TRAPPC11: variants seen among roughly 807,000 people sequenced by gnomAD.
TRAPPC11 encodes trafficking protein particle complex subunit 11, also known as foie gras homolog.
In TRAPPC11, 104 loss-of-function variants were observed where a neutral mutation model predicts 151.2. That is an observed-to-expected ratio of 0.69 (90% CI 0.59 to 0.81). The LOEUF (loss-of-function observed/expected upper bound fraction) is 0.81. Among genes scored for constraint, TRAPPC11 ranks in the 30% least tolerant of loss-of-function variants. TRAPPC11 has a pLI of 0.00. For missense variants in TRAPPC11, 1,230 were observed against 1,349.6 expected (o/e 0.91, Z 1.39); for synonymous variants, 456 against 472.3 (o/e 0.97, Z 0.45).
intron 27 of TRAPPC11, among the ~76,000 whole-genome samples, chr4:183,705,703 G>A (rs1168187317): frequency 2.0e-5 from 3 of 152,144 alleles, no homozygotes; most frequent in African/African-American, 7.2e-5. Context: ...ACATGGTGCT[G>A]TTTTTAAATG....
intron 5 of TRAPPC11, among the ~76,000 whole-genome samples, chr4:183,671,284 A>T (rs977248304): frequency 6.6e-6 from 1 of 152,206 alleles, no homozygotes; most frequent in Admixed American, 6.5e-5. Flanking sequence ...ATGCAGTTAG[A>T]TTTTTGTCTC....
intron 9 of TRAPPC11, 57 bp from the exon 10 acceptor site, chr4:183,680,063 A>T: frequency 2.0e-6 from 3 of 1,509,882 alleles, no homozygotes; most frequent in Non-Finnish European, 2.7e-6. Flanking sequence ...GAATTACCAG[A>T]AATAAGCTTC....
intron 1 of TRAPPC11, among the ~76,000 whole-genome samples, chr4:183,662,575 T>G (rs1734613228): frequency 6.6e-6 from 1 of 152,030 alleles, no homozygotes; most frequent in South Asian, 2.1e-4. Context: ...CCTTACAGAT[T>G]TTTCTTTAAA....
chr4:183,686,538 G>T, intron 17 of TRAPPC11, 80 bp from the exon 18 acceptor site: 6 of 1,531,320 alleles, frequency 3.9e-6, no homozygotes, highest in Non-Finnish European at 5.3e-6. Context: ...TCTTTCTGAA[G>T]AATCAATTTG....
intron 1 of TRAPPC11, among the ~76,000 whole-genome samples, chr4:183,661,361 C>CTTTTTTTTTTTTTTTTTTTT (rs139201416): frequency 2.5e-5 from 2 of 79,392 alleles, no homozygotes; most frequent in African/African-American, 1.0e-4. Context: ...TGTAGATTAC[C>CTTTTTTTTTTTTTTTTTTTT]TTTTTTTTTT....
chr4:183,691,243 T>G, intron 18 of TRAPPC11, 73 bp from the exon 19 acceptor site: 26 of 1,209,400 alleles, frequency 2.1e-5, no homozygotes, highest in Non-Finnish European at 2.6e-5. Flanking sequence ...TTATACTAAA[T>G]GAGCTCCAAA....
chr4:183,688,764 G>C (rs927847455), intron 18 of TRAPPC11, among the ~76,000 whole-genome samples: 4 of 151,912 alleles, frequency 2.6e-5, no homozygotes, highest in Non-Finnish European at 4.4e-5. Flanking sequence ...TGTGTGTTTT[G>C]AGACAAGGCT....
intron 1 of TRAPPC11, among the ~76,000 whole-genome samples, chr4:183,662,535 C>T (rs1008857931): frequency 2.6e-5 from 4 of 151,888 alleles, no homozygotes; most frequent in East Asian, 1.9e-4. Context: ...AAACATCCTC[C>T]GAGAGGTTTC....
chr4:183,679,241 A>G, intron 8 of TRAPPC11, 112 bp from the exon 9 acceptor site: 1 of 1,102,288 alleles, frequency 9.1e-7, no homozygotes, highest in Non-Finnish European at 1.2e-6. Context: ...AGCTTCAGAG[A>G]AGGAAATTTC....
intron 7 of TRAPPC11, 123 bp from the exon 8 acceptor site, chr4:183,677,335 T>A (rs981705705): frequency 1.0e-5 from 7 of 682,850 alleles, no homozygotes; most frequent in African/African-American, 1.8e-5. Context: ...AATCAGAGAT[T>A]GACATTATTG....
At chr4:183,670,109 ATCT>A (rs1225649557) in intron 5 of TRAPPC11, among the ~76,000 whole-genome samples, 1 of 152,206 alleles carries the variant, frequency 6.6e-6, no homozygotes, top group Non-Finnish European at 1.5e-5. Context: ...ATATCAGGAC[ATCT>A]TCATCTCATT....
chr4:183,696,264 T>G (rs1028087366), intron 23 of TRAPPC11, among the ~76,000 whole-genome samples: 6 of 152,226 alleles, frequency 3.9e-5, no homozygotes, highest in Admixed American at 2.0e-4. Flanking sequence ...TGAGCCAGGA[T>G]TAGAATTCAG....
chr4:183,663,379 G>A (rs1734660873), intron 1 of TRAPPC11, among the ~76,000 whole-genome samples: 1 of 151,992 alleles, frequency 6.6e-6, no homozygotes, highest in Non-Finnish European at 1.5e-5. Context: ...GACTACAGGC[G>A]CCCACCACCA....
intron 25 of TRAPPC11, among the ~76,000 whole-genome samples, chr4:183,700,257 G>A (rs1372254093): frequency 6.6e-6 from 1 of 152,078 alleles, no homozygotes; most frequent in Non-Finnish European, 1.5e-5. Flanking sequence ...TATTTACTGG[G>A]CTACAATATC....
At chr4:183,673,754 A>G (rs1020582296) in intron 5 of TRAPPC11, among the ~76,000 whole-genome samples, 2 of 152,234 alleles carry the variant, frequency 1.3e-5, no homozygotes, top group African/African-American at 4.8e-5. Context: ...TATAAAATAT[A>G]ATAGCTGATA....
intron 9 of TRAPPC11, 74 bp from the exon 10 acceptor site, chr4:183,680,046 C>G (rs1267434503): frequency 6.7e-6 from 9 of 1,347,914 alleles, no homozygotes; most frequent in Non-Finnish European, 9.3e-6. Flanking sequence ...GTTAAGTTTC[C>G]CAGGATGAAT....
At chr4:183,693,803 AACTCTAGG>A in intron 21 of TRAPPC11, 66 bp downstream of exon 21, 1 of 1,599,298 alleles carries the variant, frequency 6.3e-7, no homozygotes, top group Admixed American at 1.7e-5. Flanking sequence ...CAGTGATGTC[AACTCTAGG>A]ACTTTTGTTT....
chr4:183,677,441 C>T lies in TRAPPC11; in HGVS notation c.735-17C>T, dbSNP rs770265978. 5 of 1,421,444 alleles carry T rather than the reference C, an allele frequency of 3.5e-6. No individual in the cohort carries two copies. In the African/African-American group the frequency reaches 4.3e-5, roughly 12 times the overall value. The allele number at this position is 1,421,444 out of a possible 1,614,324, so 88.1% of individuals were successfully genotyped here. ...TTATTAAACTAATTTATATCATTAACCACCCTCCTCATTTAGGAATTATAG... is the reference window on the plus strand; with the variant it reads ...TTATTAAACTAATTTATATCATTAATCACCCTCCTCATTTAGGAATTATAG... On this transcript the variant is annotated splice_polypyrimidine_tract_variant and intron_variant, in intron 7 of 29. Coordinates refer to ENST00000334690, the MANE Select transcript of TRAPPC11 (RefSeq NM_021942.6).
chr4:183,696,521 G>A (rs113843256), intron 23 of TRAPPC11, among the ~76,000 whole-genome samples: 27 of 152,036 alleles, frequency 1.8e-4, no homozygotes, highest in Non-Finnish European at 3.4e-4. Context: ...TCAGCCTCCC[G>A]AGTAACTGGG....
Sources: gnomAD v4.1 joint callset for allele counts (sites outside exome capture counted in the v4.1 genomes callset) on GRCh38, gnomAD v4.1.1 for gene constraint, MANE v1.5 for transcripts, NCBI Gene and HGNC (gene_info 2026-07-23, HGNC 2026-07-21) for gene names.